RHBDL2: variants seen among roughly 807,000 people sequenced by gnomAD.
RHBDL2 encodes the protein rhomboid like 2.
A neutral mutation model predicts 31.7 loss-of-function variants in RHBDL2; 26 were observed. The ratio of observed to expected loss-of-function variants is 0.82; its 90% CI spans 0.60 to 1.14. The LOEUF (loss-of-function observed/expected upper bound fraction) is 1.14. Ranked by LOEUF, RHBDL2 falls within the 50% of genes most tolerant of loss-of-function variation. The pLI is 0.00. For missense variants in RHBDL2, 336 were observed against 364.4 expected (o/e 0.92, Z 0.63); for synonymous variants, 123 against 127.2 (o/e 0.97, Z 0.22).
chr1:38,926,115 C>A (rs768956085), intron 1 of RHBDL2: 6 of 1,179,808 alleles, frequency 5.1e-6, no homozygotes, highest in Non-Finnish European at 5.4e-6. Context: ...GCCCAATATT[C>A]ACTTTTGCAT....
At chr1:38,932,608 C>T (rs1450271038) in intron 1 of RHBDL2, among the ~76,000 whole-genome samples, 8 of 152,100 alleles carry the variant, frequency 5.3e-5, no homozygotes, top group East Asian at 1.9e-4. Context: ...TACAGGTGAG[C>T]GCCACCATGC....
intron 1 of RHBDL2, among the ~76,000 whole-genome samples, chr1:38,932,633 C>T (rs941846271): frequency 2.6e-5 from 4 of 152,056 alleles, no homozygotes; most frequent in African/African-American, 9.7e-5. Flanking sequence ...CTAATTTTCG[C>T]ATTTTTTGTA....
At chr1:38,917,364 A>C (rs1050090905) in intron 2 of RHBDL2, among the ~76,000 whole-genome samples, 1 of 152,154 alleles carries the variant, frequency 6.6e-6, no homozygotes, top group Non-Finnish European at 1.5e-5. Context: ...TAGAGGTAAA[A>C]TTATTCCAAA....
intron 1 of RHBDL2, among the ~76,000 whole-genome samples, chr1:38,937,016 C>T (rs192954257): frequency 6.6e-6 from 1 of 150,556 alleles, no homozygotes; most frequent in Non-Finnish European, 1.5e-5. Context: ...GGCACAGTCT[C>T]GGCTCACTGC....
intron 4 of RHBDL2, among the ~76,000 whole-genome samples, chr1:38,905,964 G>A (rs1321241263): frequency 1.3e-5 from 2 of 151,862 alleles, no homozygotes; most frequent in African/African-American, 4.8e-5. Flanking sequence ...CTACTTGGGA[G>A]GCTGAGGCAG....
chr1:38,897,678 G>C (rs1642936646), intron 4 of RHBDL2, among the ~76,000 whole-genome samples: 2 of 152,192 alleles, frequency 1.3e-5, no homozygotes, highest in Admixed American at 1.3e-4. Flanking sequence ...TCGTGCCACT[G>C]CGCTCCAGTC....
intron 1 of RHBDL2, among the ~76,000 whole-genome samples, chr1:38,935,952 G>T (rs1643501910): frequency 1.3e-5 from 2 of 151,508 alleles, no homozygotes; most frequent in Non-Finnish European, 2.9e-5. Context: ...TTGCTTTGTT[G>T]CCCAGGCTGG....
intron 1 of RHBDL2, among the ~76,000 whole-genome samples, chr1:38,941,220 C>T (rs1210984611): frequency 6.6e-6 from 1 of 152,200 alleles, no homozygotes; most frequent in Non-Finnish European, 1.5e-5. Context: ...ACAAATAACT[C>T]TGGAGGAGCC....
chr1:38,936,561 G>A (rs192626638), intron 1 of RHBDL2, among the ~76,000 whole-genome samples: 4 of 148,962 alleles, frequency 2.7e-5, no homozygotes, highest in Admixed American at 2.7e-4. Flanking sequence ...GTGCAATGGC[G>A]CGATCTCAGC....
At chr1:38,891,253 T>TC (rs1570911520) in intron 6 of RHBDL2, among the ~76,000 whole-genome samples, 1 of 96,578 alleles carries the variant, frequency 1.0e-5, no homozygotes, top group East Asian at 2.9e-4. Flanking sequence ...AGAGCGAGAC[T>TC]CCGTCTCAAA....
At chr1:38,927,241 C>G (rs1319288397) in intron 1 of RHBDL2, among the ~76,000 whole-genome samples, 1 of 152,138 alleles carries the variant, frequency 6.6e-6, no homozygotes, top group African/African-American at 2.4e-5. Context: ...TCCTGGCTAA[C>G]ATGGTGAAAC....
At chr1:38,908,180 A>G (rs1643091630) in intron 4 of RHBDL2, among the ~76,000 whole-genome samples, 1 of 149,208 alleles carries the variant, frequency 6.7e-6, no homozygotes, top group Admixed American at 6.6e-5. Flanking sequence ...AAAAAAAAAA[A>G]GATATTCAAC....
At position 38,912,908 on chromosome 1, in the gene RHBDL2, ATATGTGTGTG is replaced by A. The variant is rs1339204486; in HGVS notation, c.396-1484_396-1475del. Reference sequence around the variant, plus strand: ...CATATATATATATATATATATATATATATGTGTGTGTGTGTGTGTGTGTGTGTGTGTGTGT... The same window carrying A: ...CATATATATATATATATATATATATATGTGTGTGTGTGTGTGTGTGTGTGT... On this transcript the variant is annotated intron_variant, in intron 3 of 7. Coordinates refer to ENST00000372990, the MANE Select transcript of RHBDL2 (RefSeq NM_017821.5). 3.9e-3 allele frequency among the ~76,000 whole-genome samples: 138 copies of A among 35,294 alleles called. 1 individual carries two copies. The highest frequency in any genetic ancestry group is 0.012 in the African/African-American group (125 of 10,608). 23.2% of individuals were successfully genotyped at this position (35,294 alleles called of 152,430 possible). A position where few individuals can be genotyped will look rare whatever the true frequency, so the allele number is the denominator to read the frequency against.
intron 1 of RHBDL2, among the ~76,000 whole-genome samples, chr1:38,931,419 G>T (rs951573828): frequency 6.6e-6 from 1 of 152,080 alleles, no homozygotes; most frequent in African/African-American, 2.4e-5. Flanking sequence ...TACTCGGAAG[G>T]CTGAGGCAGG....
rs149547459 is a variant in RHBDL2 at position 38,932,289 on chromosome 1, C to T, written c.-126+9393G>A. Among the ~76,000 whole-genome samples, 451 of 152,070 alleles carry T rather than the reference C, an allele frequency of 3.0e-3. 3 individuals are homozygous for T. The highest frequency in any genetic ancestry group is 0.01 in the African/African-American group (433 of 41,466). ...TGAAATAAAGAAAAGCACCAAGGTG[C>T]CAGACCTATGAATGGAACCTTCTTG... On this transcript the variant is annotated intron_variant, in intron 1 of 7. Transcript: ENST00000372990.
rs1289714095 is a variant in RHBDL2, at chr1:38,886,470, C to T, written c.*34G>A. The T allele has an allele frequency of 2.1e-6, 3 of 1,412,272 alleles. No homozygotes were observed. Among genetic ancestry groups the T allele is most frequent in the Admixed American group, 2.4e-5 (1 of 41,144 alleles). The allele number at this position is 1,412,272 out of a possible 1,614,324, so 87.5% of individuals were successfully genotyped here. A position where few individuals can be genotyped will look rare whatever the true frequency, so the allele number is the denominator to read the frequency against. ...TTTTTTTTTTATTTCCTCCAGATGG[C>T]TCTTTTTATTAATTGACTTACAATA... On this transcript the variant is annotated 3_prime_UTR_variant, in exon 8 of 8. Transcript: ENST00000372990.
chr1:38,938,027 T>TC (rs1643528052), intron 1 of RHBDL2, among the ~76,000 whole-genome samples: 1 of 152,104 alleles, frequency 6.6e-6, no homozygotes, highest in Non-Finnish European at 1.5e-5. Flanking sequence ...TGCTAATTTT[T>TC]TTTTTTTTGA....
intron 3 of RHBDL2, among the ~76,000 whole-genome samples, chr1:38,912,910 A>ATATATATATATATATATGTGTGTG (rs1399583863): frequency 2.4e-5 from 1 of 41,374 alleles, no homozygotes; most frequent in African/African-American, 9.2e-5. Flanking sequence ...ATATATATAT[A>ATATATATATATATATATGTGTGTG]TGTGTGTGTG....
chr1:38,912,878 T>C (rs1363360407), intron 3 of RHBDL2, among the ~76,000 whole-genome samples: 1 of 131,086 alleles, frequency 7.6e-6, no homozygotes, highest in East Asian at 2.1e-4. Flanking sequence ...GTAACTACCA[T>C]ATACCATATA....
Sources: allele counts gnomAD v4.1 joint callset (sites outside exome capture counted in the v4.1 genomes callset), GRCh38; gene constraint gnomAD v4.1.1; transcripts MANE v1.5; gene names NCBI Gene and HGNC (gene_info 2026-07-23, HGNC 2026-07-21).